The following DLC1 variants were observed in gnomAD, a reference collection of about 807,000 sequenced individuals.
The protein encoded by DLC1 is rho GTPase-activating protein 7.
A neutral mutation model predicts 140.3 loss-of-function variants in DLC1; 54 were observed. The ratio of observed to expected loss-of-function variants is 0.38; its 90% confidence interval spans 0.31 to 0.48. The LOEUF is 0.48. Among genes scored for constraint, DLC1 ranks in the 20% least tolerant of loss-of-function variants. The probability of loss-of-function intolerance (pLI) is 0.96; values close to 1 mark genes in which losing one functional copy is unlikely to be tolerated. For synonymous variants in DLC1, 986 were observed against 728.1 expected (o/e 1.35, Z -5.70); for missense variants, 2,536 against 1,907.0 (o/e 1.33, Z -6.14).
intron 2 of DLC1, among the ~76,000 whole-genome samples, chr8:13,466,452 C>T (rs1799944690): frequency 6.6e-6 from 1 of 152,194 alleles, no homozygotes; most frequent in African/African-American, 2.4e-5. Flanking sequence ...TACAGAGTCG[C>T]TATCTTGGTA....
At chr8:13,558,876 G>A (rs188239069) in intron 1 of DLC1, 1 of 152,212 alleles carries the variant, frequency 6.6e-6, no homozygotes, top group East Asian at 1.9e-4. Flanking sequence ...TTTACTTCAA[G>A]CCTTTTATCT....
In DLC1 at chr8:13,262,347, G is replaced by A. The variant is rs991495661; in HGVS notation, c.1348+42922C>T. ...GAAATGATAAAAGCCATTAAAATTA[G>A]GAGGAAAATTGATAATCACGTGATC... is the stretch of plus-strand genomic sequence containing the variant. On this transcript the variant is annotated intron_variant, in intron 5 of 17. Coordinates refer to ENST00000276297, the MANE Select transcript of DLC1 (RefSeq NM_182643.3). Among the ~76,000 whole-genome samples the A allele has an allele frequency of 5.9e-5, 9 of 151,978 alleles. No individual in the cohort carries two copies. The East Asian group carries it at 1.5e-3, about 26-fold the overall frequency.
chr8:13,383,211 C>G (rs748204078), intron 4 of DLC1, among the ~76,000 whole-genome samples: 1 of 152,160 alleles, frequency 6.6e-6, no homozygotes, highest in African/African-American at 2.4e-5. Flanking sequence ...ATGATTCCAG[C>G]CAAAGACCTT....
intron 12 of DLC1, 107 bp downstream of exon 12, chr8:13,094,652 C>T (rs578241777): frequency 1.5e-5 from 20 of 1,334,392 alleles, no homozygotes; most frequent in Middle Eastern, 1.8e-4. Flanking sequence ...GATGACAGAG[C>T]GAGACTCCAT....
intron 4 of DLC1, among the ~76,000 whole-genome samples, chr8:13,382,500 C>T (rs1836316494): frequency 3.6e-5 from 1 of 27,816 alleles, no homozygotes; most frequent in South Asian, 1.1e-3. Flanking sequence ...AGCGAGACTC[C>T]GTCTCAAAAA....
intron 4 of DLC1, among the ~76,000 whole-genome samples, chr8:13,315,140 T>A (rs1341652361): frequency 2.6e-5 from 4 of 152,172 alleles, no homozygotes; most frequent in Non-Finnish European, 5.9e-5. Flanking sequence ...AATGGCCTGG[T>A]GCAGTAGCTC....
chr8:13,506,533 A>G (rs1233639740), intron 1 of DLC1, among the ~76,000 whole-genome samples: 1 of 147,778 alleles, frequency 6.8e-6, no homozygotes. Flanking sequence ...TTATACACAT[A>G]CACACACATG....
chr8:13,183,480 G>A (rs913850881), intron 5 of DLC1, among the ~76,000 whole-genome samples: 6 of 152,136 alleles, frequency 3.9e-5, no homozygotes, highest in Non-Finnish European at 8.8e-5. Flanking sequence ...ACCATTTTGA[G>A]ATATGTTCCA....
chr8:13,108,212 GT>G lies in DLC1; in HGVS notation c.1502+2529del, dbSNP rs371392495. On this transcript the variant is annotated intron_variant, in intron 7 of 17. Transcript: ENST00000276297. Reference sequence around the variant, plus strand: ...CCCTGGGGTTTTCCATTACAAACCAGTTGATGACTATTACTGTGAACTCTGA... The same window carrying G: ...CCCTGGGGTTTTCCATTACAAACCAGTGATGACTATTACTGTGAACTCTGA... Among the ~76,000 whole-genome samples, 527 of 152,262 alleles carry G rather than the reference GT, an allele frequency of 3.5e-3. 1 individual carries two copies. Among genetic ancestry groups the G allele is most frequent in the African/African-American group, 0.012 (504 of 41,536 alleles).
intron 1 of DLC1, among the ~76,000 whole-genome samples, chr8:13,529,893 T>G (rs761824604): frequency 6.6e-6 from 1 of 152,200 alleles, no homozygotes; most frequent in Admixed American, 6.5e-5. Flanking sequence ...TTCCTAACAC[T>G]ATACTGTGAA....
intron 1 of DLC1, among the ~76,000 whole-genome samples, chr8:13,557,321 G>A (rs539519918): frequency 3.9e-5 from 6 of 152,186 alleles, no homozygotes; most frequent in East Asian, 1.9e-4. Flanking sequence ...GTGAGGGCCA[G>A]TGTCTCAGCT....
rs1379798083 is a variant in DLC1 at position 13,500,116 on chromosome 8, G to A, written c.-45C>T. 2.7e-6 allele frequency: 4 copies of A among 1,478,608 alleles called. No homozygotes were observed. Among genetic ancestry groups the A allele is most frequent in the African/African-American group, 1.4e-5 (1 of 71,684 alleles). 91.6% of individuals were successfully genotyped at this position (1,478,608 alleles called of 1,614,324 possible). A position where few individuals can be genotyped will look rare whatever the true frequency, so the allele number is the denominator to read the frequency against. On this transcript the variant is annotated 5_prime_UTR_variant, in exon 2 of 18. Transcript: ENST00000276297. ...AGACAGAGAGATATATTCCATATGA[G>A]GGTAAAGGAGATGGAACTTGATGAA...
intron 1 of DLC1, among the ~76,000 whole-genome samples, chr8:13,530,470 A>C (rs1162579903): frequency 6.6e-6 from 1 of 152,160 alleles, no homozygotes; most frequent in Non-Finnish European, 1.5e-5. Context: ...TCATTCTCTG[A>C]AGACATATCT....
chr8:13,504,779 T>A (rs2117223141), intron 1 of DLC1, among the ~76,000 whole-genome samples: 1 of 152,290 alleles, frequency 6.6e-6, no homozygotes, highest in East Asian at 1.9e-4. Flanking sequence ...TCTTACTTTT[T>A]TTTTAACCTC....
chr8:13,360,210 A>G (rs1374104113), intron 4 of DLC1, among the ~76,000 whole-genome samples: 2 of 152,170 alleles, frequency 1.3e-5, no homozygotes, highest in Non-Finnish European at 2.9e-5. Flanking sequence ...TTTGAGAATT[A>G]AATAAGGTAA....
chr8:13,336,558 C>T (rs909041629), intron 4 of DLC1, among the ~76,000 whole-genome samples: 16 of 152,202 alleles, frequency 1.1e-4, no homozygotes, highest in Admixed American at 9.8e-4. Flanking sequence ...GTGGCCCACA[C>T]AGCTCAGCCA....
chr8:13,491,681 G>T (rs1020393949), intron 2 of DLC1, among the ~76,000 whole-genome samples: 3 of 152,192 alleles, frequency 2.0e-5, no homozygotes, highest in Middle Eastern at 6.8e-3. Flanking sequence ...AGTCTTGAAG[G>T]TTTCCTCAGA....
intron 5 of DLC1, among the ~76,000 whole-genome samples, chr8:13,296,081 G>A (rs549880975): frequency 7.5e-5 from 11 of 145,974 alleles, no homozygotes; most frequent in South Asian, 4.5e-4. Flanking sequence ...TCAGCCTCCC[G>A]AGTAGCTGGG....
intron 1 of DLC1, among the ~76,000 whole-genome samples, chr8:13,523,189 G>A (rs574095272): frequency 1.3e-5 from 2 of 152,274 alleles, no homozygotes; most frequent in African/African-American, 2.4e-5. Context: ...GGTCACTGTG[G>A]TAATCCAGGT....
Sources: gnomAD v4.1 joint callset for allele counts (sites outside exome capture counted in the v4.1 genomes callset) on GRCh38, gnomAD v4.1.1 for gene constraint, MANE v1.5 for transcripts, NCBI Gene and HGNC (gene_info 2026-07-23, HGNC 2026-07-21) for gene names.